Variants in LRPPRC observed in about 807,000 individuals in gnomAD.
LRPPRC encodes leucine-rich PPR motif-containing protein, mitochondrial.
A neutral mutation model predicts 180.3 loss-of-function variants in LRPPRC; 120 were observed. The ratio of observed to expected loss-of-function variants is 0.67; its 90% confidence interval spans 0.57 to 0.77. The LOEUF is 0.77. LRPPRC is among the 30% of genes least tolerant of loss of function. The pLI, the probability that LRPPRC is intolerant of heterozygous loss-of-function variation, is 0.00. For synonymous variants in LRPPRC, 723 were observed against 600.0 expected (o/e 1.21, Z -3.00); for missense variants, 2,012 against 1,657.2 (o/e 1.21, Z -3.72).
At chr2:43,935,600 T>G (rs2105062057) in intron 23 of LRPPRC, among the ~76,000 whole-genome samples, 1 of 152,314 alleles carries the variant, frequency 6.6e-6, no homozygotes. Flanking sequence ...AAAGACACTG[T>G]CATTAAATCA....
rs571754678 is a variant in LRPPRC at position 43,911,178 on chromosome 2, A to ATT, written c.3275+1252_3275+1253dup. Among the ~76,000 whole-genome samples, 156 of 151,068 alleles carry ATT rather than the reference A, an allele frequency of 1.0e-3. 1 individual carries two copies. The highest frequency in any genetic ancestry group is 3.6e-3 in the African/African-American group (150 of 41,330). ...TATATATATATATATATAAAATTTGATTAGGAATTGAGAAAACACACAAAT... is the reference window on the plus strand; with the variant it reads ...TATATATATATATATATAAAATTTGATTTTAGGAATTGAGAAAACACACAAAT... On this transcript the variant is annotated intron_variant, in intron 30 of 37. Transcript: ENST00000260665.
intron 29 of LRPPRC, among the ~76,000 whole-genome samples, chr2:43,913,359 G>A (rs1671331215): frequency 6.6e-6 from 1 of 152,150 alleles, no homozygotes; most frequent in Admixed American, 6.5e-5. Flanking sequence ...CAATAAAGAT[G>A]GGGCATAAAT....
rs558196785 is a variant in LRPPRC, at chr2:43,962,423, T to C, written c.1488+1165A>G. Among the ~76,000 whole-genome samples, 28 of 152,356 alleles carry C rather than the reference T, an allele frequency of 1.8e-4. No individual in the cohort carries two copies. The South Asian group carries it at 5.8e-3, about 32-fold the overall frequency. On this transcript the variant is annotated intron_variant, in intron 12 of 37. Transcript: ENST00000260665. ...AATGAAAGAAACACTCTAACATTAT[T>C]AGAAAAATCAAGGTATTACATGAAT...
chr2:43,966,950 C>A (rs888009371), intron 11 of LRPPRC, among the ~76,000 whole-genome samples: 1 of 151,960 alleles, frequency 6.6e-6, no homozygotes, highest in African/African-American at 2.4e-5. Flanking sequence ...ACTAGAGAGG[C>A]TGAAGAAGGA....
intron 16 of LRPPRC, 92 bp from the exon 17 acceptor site, chr2:43,948,610 G>C (rs765110549): frequency 1.1e-5 from 8 of 753,042 alleles, no homozygotes; most frequent in South Asian, 4.3e-5. Flanking sequence ...TTTGGTGTGA[G>C]ATGTCACCCT....
At chr2:43,988,803 A>C (rs1253252154) in intron 1 of LRPPRC, among the ~76,000 whole-genome samples, 1 of 151,902 alleles carries the variant, frequency 6.6e-6, no homozygotes, top group African/African-American at 2.4e-5. Context: ...TGAGCCTCCC[A>C]AAGTGTTGGG....
At chr2:43,898,088 A>AAC (rs1553390776) in intron 34 of LRPPRC, among the ~76,000 whole-genome samples, 1 of 150,268 alleles carries the variant, frequency 6.7e-6, no homozygotes, top group Admixed American at 6.6e-5. Flanking sequence ...AAAAAAAAAA[A>AAC]CAAAGGAAAA....
intron 14 of LRPPRC, among the ~76,000 whole-genome samples, chr2:43,956,440 G>A (rs1468166344): frequency 6.7e-6 from 1 of 150,074 alleles, no homozygotes; most frequent in East Asian, 2.0e-4. Flanking sequence ...GTGTCATTAT[G>A]CATACAACTT....
At position 43,995,902 on chromosome 2, in the gene LRPPRC, C is replaced by G. The variant is rs769334021; in HGVS notation, c.46G>C (p.Ala16Pro). The change falls in exon 1 of 38, where the codon GCG becomes CCG. Residue 16 changes from alanine (A) to proline (P), a missense_variant. Physicochemically the swap from Ala to Pro is conservative, Grantham distance 27 (BLOSUM62 -1). Transcript: ENST00000260665. ...RSARWLLRAG[A>P]APRLPLSLRL... is the part of the protein sequence containing the mutation. ...AGGGAGAGCGGGAGGCGCGGGGCCG[C>G]CCCGGCACGCAGCAACCAACGCGCG... 1 of 1,515,040 alleles carries G rather than the reference C, an allele frequency of 6.6e-7. No individual in the cohort carries two copies. The highest frequency in any genetic ancestry group is 1.4e-5 in the African/African-American group (1 of 70,068). The allele number at this position is 1,515,040 out of a possible 1,614,324, so 93.8% of individuals were successfully genotyped here. A position where few individuals can be genotyped will look rare whatever the true frequency, so the allele number is the denominator to read the frequency against.
chr2:43,970,514 C>T (rs1449533275), intron 11 of LRPPRC, among the ~76,000 whole-genome samples: 1 of 152,110 alleles, frequency 6.6e-6, no homozygotes, highest in East Asian at 1.9e-4. Flanking sequence ...TTAAAATAAT[C>T]TTACATTAAC....
chr2:43,886,443 A>G lies in LRPPRC; in HGVS notation c.*2157T>C, dbSNP rs1376980323. ...TTCAATTTAGCTATTAGATATTTAG[A>G]ACACTCATAAGCCCACCTACAGTAT... On this transcript the variant is annotated 3_prime_UTR_variant, in exon 38 of 38. Coordinates refer to ENST00000260665, the MANE Select transcript of LRPPRC (RefSeq NM_133259.4). 6.6e-6 allele frequency: 1 copy of G among 152,210 alleles called. No individual in the cohort carries two copies. Among genetic ancestry groups the G allele is most frequent in the Non-Finnish European group, 1.5e-5 (1 of 68,038 alleles). The allele number at this position is 152,210 out of a possible 1,614,324, so 9.4% of individuals were successfully genotyped here. A position where few individuals can be genotyped will look rare whatever the true frequency, so the allele number is the denominator to read the frequency against.
intron 14 of LRPPRC, among the ~76,000 whole-genome samples, chr2:43,955,967 T>C (rs187600012): frequency 6.6e-6 from 1 of 152,102 alleles, no homozygotes; most frequent in African/African-American, 2.4e-5. Flanking sequence ...GTGGCATCAT[T>C]ATTGCACACC....
At chr2:43,894,433 G>C (rs1305877565) in intron 36 of LRPPRC, 112 bp downstream of exon 36, 1 of 653,046 alleles carries the variant, frequency 1.5e-6, no homozygotes, top group Non-Finnish European at 2.8e-6. Flanking sequence ...TACTGCCTTT[G>C]AGCTGAAGAC....
intron 11 of LRPPRC, among the ~76,000 whole-genome samples, chr2:43,964,729 G>T (rs1673484385): frequency 6.6e-6 from 1 of 151,470 alleles, no homozygotes; most frequent in South Asian, 2.1e-4. Flanking sequence ...TTAAAATTTA[G>T]GTTATGAATC....
chr2:43,916,618 T>C lies in LRPPRC; in HGVS notation c.3148+1407A>G, dbSNP rs550631786. Among the ~76,000 whole-genome samples, 10 of 152,266 alleles carry C rather than the reference T, an allele frequency of 6.6e-5. No individual in the cohort carries two copies. The East Asian group carries it at 1.7e-3, about 26-fold the overall frequency. On this transcript the variant is annotated intron_variant, in intron 29 of 37. Transcript: ENST00000260665. ...TTTTAATAAAAATGTATGCCAACAA[T>C]AGCATTTATTACGAAAAATTTCATA...
Position 43,895,809 on chromosome 2 carries a change from T to C in LRPPRC, c.3900+825A>G, listed in dbSNP as rs185587675. On this transcript the variant is annotated intron_variant, in intron 35 of 37. Coordinates refer to ENST00000260665, the MANE Select transcript of LRPPRC (RefSeq NM_133259.4). ...ATAAAGAACCCAAATAAACTAAGAA[T>C]GTAGTTTCTCGTATACAAGAGGTAA... Among the ~76,000 whole-genome samples the C allele has an allele frequency of 2.0e-5, 3 of 152,274 alleles. No homozygotes were observed. The East Asian group carries it at 5.8e-4, about 29-fold the overall frequency.
intron 3 of LRPPRC, 47 bp from the exon 4 acceptor site, chr2:43,977,323 CTA>C: frequency 6.6e-7 from 1 of 1,506,706 alleles, no homozygotes; most frequent in Non-Finnish European, 9.2e-7. Context: ...ATTGAAAATC[CTA>C]TGCTTTAAAG....
chr2:43,946,878 G>A (rs1430455973), intron 20 of LRPPRC, among the ~76,000 whole-genome samples: 1 of 152,028 alleles, frequency 6.6e-6, no homozygotes, highest in Non-Finnish European at 1.5e-5. Flanking sequence ...TTTCCAGCAG[G>A]AAAATGGAAT....
intron 30 of LRPPRC, among the ~76,000 whole-genome samples, chr2:43,909,615 TAA>T (rs1671185959): frequency 1.9e-4 from 1 of 5,148 alleles, no homozygotes. Context: ...ACCCAATTAA[TAA>T]TAATAATAAT....
Sources: allele counts gnomAD v4.1 joint callset (sites outside exome capture counted in the v4.1 genomes callset), GRCh38; gene constraint gnomAD v4.1.1; transcripts MANE v1.5; gene names NCBI Gene and HGNC (gene_info 2026-07-23, HGNC 2026-07-21).